SLC7A14: variants seen among roughly 807,000 people sequenced by gnomAD.
SLC7A14 encodes gamma-aminobutyric acid transporter SLC7A14.
A neutral mutation model predicts 60.2 loss-of-function variants in SLC7A14; 37 were observed. The ratio of observed to expected loss-of-function variants is 0.61; its 90% confidence interval spans 0.47 to 0.81. The LOEUF (loss-of-function observed/expected upper bound fraction) is 0.81. Ranked by LOEUF, SLC7A14 falls within the 30% of genes least tolerant of loss-of-function variation. SLC7A14 has a pLI of 0.00. For synonymous variants in SLC7A14, 399 were observed against 395.8 expected (o/e 1.01, Z -0.10); for missense variants, 886 against 982.7 (o/e 0.90, Z 1.32).
intron 4 of SLC7A14, chr3:170,495,850 T>C (rs1712374573): frequency 8.5e-7 from 1 of 1,178,638 alleles, no homozygotes; most frequent in African/African-American, 1.5e-5. Flanking sequence ...ATCAACGTAT[T>C]TGAGAGCTAC....
At chr3:170,558,983 G>A (rs1253271604) in intron 1 of SLC7A14, among the ~76,000 whole-genome samples, 1 of 152,164 alleles carries the variant, frequency 6.6e-6, no homozygotes, top group African/African-American at 2.4e-5. Context: ...TTTCATGCTG[G>A]TAACTGCCTG....
chr3:170,494,951 G>A (rs1712333818), intron 4 of SLC7A14, among the ~76,000 whole-genome samples: 1 of 152,200 alleles, frequency 6.6e-6, no homozygotes, highest in African/African-American at 2.4e-5. Context: ...AGAAACCCCA[G>A]CCCCAGAGCT....
At position 170,466,020 on chromosome 3, in the gene SLC7A14, AC is replaced by A. The variant is rs1739709141; in HGVS notation, c.*1034del. On this transcript the variant is annotated 3_prime_UTR_variant, in exon 8 of 8. Coordinates refer to ENST00000231706, the MANE Select transcript of SLC7A14 (RefSeq NM_020949.3). ...AAATGTGATCTCATGGAATGCAACTACCTAAGTCGCTATACTTCAGCCTATT... is the reference window on the plus strand; with the variant it reads ...AAATGTGATCTCATGGAATGCAACTACTAAGTCGCTATACTTCAGCCTATT... 6.6e-6 allele frequency: 1 copy of A among 152,178 alleles called. No individual in the cohort carries two copies. Among genetic ancestry groups the A allele is most frequent in the Non-Finnish European group, 1.5e-5 (1 of 68,044 alleles). 9.4% of individuals were successfully genotyped at this position (152,178 alleles called of 1,614,324 possible).
At chr3:170,495,615 G>A (rs967004838) in intron 4 of SLC7A14, 12 of 785,198 alleles carry the variant, frequency 1.5e-5, no homozygotes, top group Middle Eastern at 3.0e-4. Flanking sequence ...TGGGGCCAGC[G>A]GCATAGGAGG....
intron 7 of SLC7A14, among the ~76,000 whole-genome samples, chr3:170,470,308 A>ATATGTGTG (rs372412774): frequency 1.4e-5 from 2 of 143,594 alleles, no homozygotes; most frequent in African/African-American, 5.2e-5. Context: ...TGGAAGGAAC[A>ATATGTGTG]TGTGTGTGTG....
chr3:170,534,016 A>G lies in SLC7A14; in HGVS notation c.-152-6928T>C, dbSNP rs543300701. Among the ~76,000 whole-genome samples the G allele has an allele frequency of 2.6e-5, 4 of 152,296 alleles. No individual in the cohort carries two copies. The South Asian group carries it at 6.2e-4, about 24-fold the overall frequency. ...TGCATATTTTAGCTATGCAAATAAG[A>G]TTGCACCAATTAAGCTTCCTTTTCA... On this transcript the variant is annotated intron_variant, in intron 1 of 7. Transcript: ENST00000231706.
intron 4 of SLC7A14, among the ~76,000 whole-genome samples, chr3:170,488,162 A>G (rs566513385): frequency 3.3e-5 from 5 of 152,338 alleles, no homozygotes; most frequent in African/African-American, 7.2e-5. Context: ...TAAAATCACA[A>G]TTCTCATAAG....
chr3:170,571,783 AG>A (rs1441074104), intron 1 of SLC7A14, among the ~76,000 whole-genome samples: 2 of 152,194 alleles, frequency 1.3e-5, no homozygotes, highest in Admixed American at 6.5e-5. Flanking sequence ...AGACTTGGCC[AG>A]GCACGTTGGC....
intron 5 of SLC7A14, among the ~76,000 whole-genome samples, chr3:170,483,852 G>C (rs1033190396): frequency 3.9e-5 from 6 of 152,178 alleles, no homozygotes; most frequent in Non-Finnish European, 4.4e-5. Context: ...AGATATTTCT[G>C]GAAGGAAGGA....
chr3:170,525,112 T>G (rs1713451211), intron 2 of SLC7A14, among the ~76,000 whole-genome samples: 1 of 152,216 alleles, frequency 6.6e-6, no homozygotes, highest in Admixed American at 6.5e-5. Context: ...TCTCCTGAAA[T>G]ATTCGAAGAG....
chr3:170,510,050 C>T (rs552584710), intron 2 of SLC7A14, among the ~76,000 whole-genome samples: 12 of 147,246 alleles, frequency 8.1e-5, no homozygotes, highest in African/African-American at 2.8e-4. Flanking sequence ...TGCTCTCCAG[C>T]CTGGACAAGA....
intron 2 of SLC7A14, among the ~76,000 whole-genome samples, chr3:170,520,426 A>G (rs1229662253): frequency 6.6e-6 from 1 of 152,214 alleles, no homozygotes; most frequent in East Asian, 1.9e-4. Flanking sequence ...ATTCATCTCC[A>G]TCAATGAGCA....
Position 170,476,274 on chromosome 3 carries a change from G to A in SLC7A14, c.1993+4015C>T, listed in dbSNP as rs114521633. Among the ~76,000 whole-genome samples, 914 of 152,278 alleles carry A rather than the reference G, an allele frequency of 6.0e-3. 10 individuals carry two copies. Among genetic ancestry groups the A allele is most frequent in the African/African-American group, 0.021 (866 of 41,534 alleles). On this transcript the variant is annotated intron_variant, in intron 7 of 7. Coordinates refer to ENST00000231706, the MANE Select transcript of SLC7A14 (RefSeq NM_020949.3). ...GCTAGGGTTGAGAATCTTTGTTCTG[G>A]GTGAAACTTAGTCATATAGCAGCCT...
chr3:170,484,420 G>A (rs1711949648), intron 5 of SLC7A14, among the ~76,000 whole-genome samples: 1 of 152,140 alleles, frequency 6.6e-6, no homozygotes, highest in Admixed American at 6.5e-5. Flanking sequence ...CTTAACTGGG[G>A]GCTCCCAGGA....
At chr3:170,528,775 C>T (rs903519573) in intron 1 of SLC7A14, among the ~76,000 whole-genome samples, 1 of 152,190 alleles carries the variant, frequency 6.6e-6, no homozygotes, top group African/African-American at 2.4e-5. Flanking sequence ...CGTCCCCTTC[C>T]TCCTCTCCTC....
chr3:170,508,723 G>A (rs982901657), intron 2 of SLC7A14, among the ~76,000 whole-genome samples: 18 of 152,144 alleles, frequency 1.2e-4, no homozygotes, highest in Admixed American at 1.1e-3. Flanking sequence ...AAACATCTCT[G>A]TTCCGTTTAT....
chr3:170,514,690 A>G (rs1425385487), intron 2 of SLC7A14, among the ~76,000 whole-genome samples: 1 of 152,172 alleles, frequency 6.6e-6, no homozygotes, highest in East Asian at 1.9e-4. Flanking sequence ...GAGGAAAGTG[A>G]GTAGGAGGCA....
At chr3:170,572,714 C>T (rs2108315857) in intron 1 of SLC7A14, among the ~76,000 whole-genome samples, 1 of 152,340 alleles carries the variant, frequency 6.6e-6, no homozygotes, top group South Asian at 2.1e-4. Context: ...AAATTCTCTA[C>T]TGGCATATTT....
chr3:170,512,227 C>G (rs566544155), intron 2 of SLC7A14, among the ~76,000 whole-genome samples: 35 of 152,278 alleles, frequency 2.3e-4, no homozygotes, highest in Non-Finnish European at 2.9e-5. Flanking sequence ...CCGAGAGGAC[C>G]CACCTGAGCC....
Sources: gnomAD v4.1 joint callset for allele counts (sites outside exome capture counted in the v4.1 genomes callset) on GRCh38, gnomAD v4.1.1 for gene constraint, MANE v1.5 for transcripts, NCBI Gene and HGNC (gene_info 2026-07-23, HGNC 2026-07-21) for gene names.